PALS1: variants seen among roughly 807,000 people sequenced by gnomAD.
PALS1 encodes the protein protein PALS1.
In PALS1, 31 loss-of-function variants were observed where a neutral mutation model predicts 78.9. The ratio of observed to expected loss-of-function variants is 0.39; its 90% CI spans 0.30 to 0.53. The LOEUF (loss-of-function observed/expected upper bound fraction) is 0.53. Among genes scored for constraint, PALS1 ranks in the 20% least tolerant of loss-of-function variants. The probability of loss-of-function intolerance (pLI) is 0.67; values close to 1 mark genes in which losing one functional copy is unlikely to be tolerated. For missense variants in PALS1, 704 were observed against 826.5 expected, an observed-to-expected ratio of 0.85 and a Z score of 1.82; for synonymous variants, 276 against 270.9, an observed-to-expected ratio of 1.02 and a Z score of -0.18.
At chr14:67,320,096 C>A (rs1438933803) in intron 11 of PALS1, 134 bp from the exon 12 acceptor site, 1 of 639,970 alleles carries the variant, frequency 1.6e-6, no homozygotes, top group Non-Finnish European at 2.5e-6. Context: ...GATTCATTTT[C>A]ATGATACCCT....
intron 4 of PALS1, 110 bp downstream of exon 4, chr14:67,292,829 C>T: frequency 1.3e-6 from 1 of 770,828 alleles, no homozygotes; most frequent in Non-Finnish European, 2.0e-6. Flanking sequence ...GAATTAATTA[C>T]TGTTAATTAC....
At chr14:67,320,941 A>T in intron 12 of PALS1, 116 bp from the exon 13 acceptor site, 1 of 815,136 alleles carries the variant, frequency 1.2e-6, no homozygotes, top group South Asian at 1.7e-5. Flanking sequence ...GCATTTTCTC[A>T]GTTTATTATT....
At chr14:67,330,209 G>C (rs1307266788) in intron 14 of PALS1, among the ~76,000 whole-genome samples, 1 of 150,516 alleles carries the variant, frequency 6.6e-6, no homozygotes, top group Non-Finnish European at 1.5e-5. Flanking sequence ...AAAGAAATAA[G>C]TTGGAGGGCA....
intron 1 of PALS1, among the ~76,000 whole-genome samples, chr14:67,258,571 G>A (rs969409464): frequency 2.0e-5 from 3 of 152,040 alleles, no homozygotes; most frequent in East Asian, 3.9e-4. Flanking sequence ...ATAGGCACAC[G>A]CCACCACAAC....
At position 67,279,196 on chromosome 14, in the gene PALS1, A is replaced by G. The variant is rs371192204; in HGVS notation, c.26A>G (p.His9Arg). The G allele has an allele frequency of 2.2e-5, 36 of 1,605,402 alleles. No homozygotes were observed. Among genetic ancestry groups the G allele is most frequent in the Non-Finnish European group, 3.0e-5 (35 of 1,176,842 alleles). The change falls in exon 3 of 15, where the codon CAT becomes CGT. Residue 9 changes from histidine to arginine, a missense_variant. Coordinates refer to ENST00000261681, the MANE Select transcript of PALS1 (RefSeq NM_022474.4). MTTSHMNG[H>R]VTEESDSEVK... ...ATGACAACATCCCATATGAATGGGCATGTTACAGAGGAATCAGACAGCGAA... is the reference window on the plus strand; with the variant it reads ...ATGACAACATCCCATATGAATGGGCGTGTTACAGAGGAATCAGACAGCGAA...
chr14:67,248,007 G>A lies in PALS1; in HGVS notation c.-237+6474G>A, dbSNP rs146061173. On this transcript the variant is annotated intron_variant, in intron 1 of 14. Transcript: ENST00000261681. ...TTTCTTCTGTTCCTAGGTTACTGAG[G>A]GTTTGTTTTTTAAATCATGAATAGA... Among the ~76,000 whole-genome samples the A allele has an allele frequency of 1.2e-3, 189 of 152,076 alleles. 1 individual carries two copies. Among genetic ancestry groups the A allele is most frequent in the Non-Finnish European group, 2.1e-3 (143 of 67,968 alleles).
intron 3 of PALS1, among the ~76,000 whole-genome samples, chr14:67,283,263 T>C (rs1164253411): frequency 2.0e-5 from 3 of 152,222 alleles, no homozygotes; most frequent in East Asian, 3.8e-4. Flanking sequence ...AGTGTCTGCA[T>C]ATTTTTTGTC....
At chr14:67,251,656 G>A (rs961762556) in intron 1 of PALS1, among the ~76,000 whole-genome samples, 2 of 152,210 alleles carry the variant, frequency 1.3e-5, no homozygotes, top group African/African-American at 4.8e-5. Context: ...CCCTTAATAT[G>A]GCTGTGATAC....
intron 7 of PALS1, among the ~76,000 whole-genome samples, chr14:67,303,186 G>C (rs1188632475): frequency 6.6e-6 from 1 of 152,218 alleles, no homozygotes; most frequent in African/African-American, 2.4e-5. Flanking sequence ...GATAGTGCTA[G>C]TATAATCAGA....
At chr14:67,310,829 C>G (rs2140940438) in intron 8 of PALS1, among the ~76,000 whole-genome samples, 1 of 152,054 alleles carries the variant, frequency 6.6e-6, no homozygotes, top group East Asian at 1.9e-4. Flanking sequence ...AGCCATTTAT[C>G]TGTCTATCTA....
At chr14:67,275,782 A>G (rs748429949) in intron 2 of PALS1, among the ~76,000 whole-genome samples, 5 of 152,152 alleles carry the variant, frequency 3.3e-5, no homozygotes. Flanking sequence ...GCTATTAATT[A>G]TTGCCTCAAT....
rs11442716 is a variant in PALS1, at chr14:67,308,234, T to TAAA, written c.1042-4282_1042-4280dup. On this transcript the variant is annotated intron_variant, in intron 8 of 14. Transcript: ENST00000261681. ...AGTTGGATCCCTGAACTTAACAGTTTAAAAAAAAAAAAAGTCAGTGTAAAA... is the reference window on the plus strand; with the variant it reads ...AGTTGGATCCCTGAACTTAACAGTTTAAAAAAAAAAAAAAAAGTCAGTGTAAAA... 1.1e-4 allele frequency among the ~76,000 whole-genome samples: 15 copies of TAAA among 138,930 alleles called. No homozygotes were observed. The East Asian group carries it at 1.4e-3, about 13-fold the overall frequency. The allele number at this position is 138,930 out of a possible 152,430, so 91.1% of individuals were successfully genotyped here. A position where few individuals can be genotyped will look rare whatever the true frequency, so the allele number is the denominator to read the frequency against.
intron 1 of PALS1, among the ~76,000 whole-genome samples, chr14:67,269,248 T>A (rs936834785): frequency 1.3e-5 from 2 of 152,236 alleles, no homozygotes; most frequent in Non-Finnish European, 2.9e-5. Context: ...TATACAACTT[T>A]TAATAAATTC....
chr14:67,274,062 T>A (rs2084458897), intron 2 of PALS1, among the ~76,000 whole-genome samples: 1 of 152,192 alleles, frequency 6.6e-6, no homozygotes, highest in South Asian at 2.1e-4. Flanking sequence ...TTTTCTCCCA[T>A]TCTGTAGGTT....
chr14:67,244,918 C>T lies in PALS1; in HGVS notation c.-237+3385C>T, dbSNP rs114082055. ...TTATTCAGGTGGTCCCAGTGTATCACAGAATCTTTAAAAAAGGAAAGAGAG... is the reference window on the plus strand; with the variant it reads ...TTATTCAGGTGGTCCCAGTGTATCATAGAATCTTTAAAAAAGGAAAGAGAG... On this transcript the variant is annotated intron_variant, in intron 1 of 14. Coordinates refer to ENST00000261681, the MANE Select transcript of PALS1 (RefSeq NM_022474.4). Among the ~76,000 whole-genome samples the T allele has an allele frequency of 8.9e-3, 1,354 of 152,036 alleles. 24 individuals are homozygous for T. Among genetic ancestry groups the T allele is most frequent in the African/African-American group, 0.032 (1,320 of 41,454 alleles).
At chr14:67,286,869 A>AT (rs1293682069) in intron 3 of PALS1, among the ~76,000 whole-genome samples, 1 of 151,120 alleles carries the variant, frequency 6.6e-6, no homozygotes, top group African/African-American at 2.4e-5. Flanking sequence ...AAAAAAAAAA[A>AT]AAAAAGAAAA....
chr14:67,275,928 C>T (rs949646224), intron 2 of PALS1, among the ~76,000 whole-genome samples: 9 of 152,168 alleles, frequency 5.9e-5, no homozygotes, highest in African/African-American at 2.2e-4. Flanking sequence ...ACAGTGTTCT[C>T]TGATGGTAGT....
At chr14:67,295,045 A>T (rs922848354) in intron 4 of PALS1, 3 of 152,170 alleles carry the variant, frequency 2.0e-5, no homozygotes, top group African/African-American at 7.2e-5. Context: ...AAACACCTTT[A>T]AGAGAGTAAA....
chr14:67,312,942 G>C (rs932733732), intron 9 of PALS1, among the ~76,000 whole-genome samples: 1 of 152,106 alleles, frequency 6.6e-6, no homozygotes, highest in Non-Finnish European at 1.5e-5. Flanking sequence ...ATCCCATATT[G>C]TAGTACATTT....
Sources: allele counts gnomAD v4.1 joint callset (sites outside exome capture counted in the v4.1 genomes callset), GRCh38; gene constraint gnomAD v4.1.1; transcripts MANE v1.5; gene names NCBI Gene and HGNC (gene_info 2026-07-23, HGNC 2026-07-21).